NAV2: variants seen among roughly 807,000 people sequenced by gnomAD.
NAV2 encodes the protein neuron navigator 2, also known as helicase, APC down-regulated 1.
In NAV2, 54 loss-of-function variants were observed where a neutral mutation model predicts 223.2. The observed-to-expected ratio is 0.24, with a 90% CI of 0.19 to 0.30. The LOEUF is 0.30. Among genes scored for constraint, NAV2 ranks in the 10% least tolerant of loss-of-function variants. NAV2 has a pLI of 1.00. For synonymous variants in NAV2, 1,279 were observed against 1,239.3 expected (o/e 1.03, Z -0.67); for missense variants, 2,806 against 3,147.5 (o/e 0.89, Z 2.60).
chr11:19,491,115 A>G (rs2042611592), intron 1 of NAV2, among the ~76,000 whole-genome samples: 1 of 152,124 alleles, frequency 6.6e-6, no homozygotes, highest in Non-Finnish European at 1.5e-5. Flanking sequence ...AGGCTTTGTC[A>G]TTCCATTTAC....
intron 1 of NAV2, among the ~76,000 whole-genome samples, chr11:19,625,614 T>A (rs977275228): frequency 3.3e-5 from 5 of 152,206 alleles, no homozygotes; most frequent in South Asian, 2.1e-4. Context: ...TTGTAGTTTT[T>A]TGAGGAACTT....
intron 3 of NAV2, among the ~76,000 whole-genome samples, chr11:19,853,440 A>G (rs746347363): frequency 5.3e-5 from 8 of 152,234 alleles, no homozygotes; most frequent in Non-Finnish European, 8.8e-5. Context: ...CCTGCAGCCC[A>G]GGATGGCTTT....
intron 1 of NAV2, among the ~76,000 whole-genome samples, chr11:19,762,758 C>T (rs1029663656): frequency 4.6e-5 from 7 of 151,952 alleles, no homozygotes; most frequent in South Asian, 2.1e-4. Flanking sequence ...GGATTACAGG[C>T]GCACACCAAC....
intron 1 of NAV2, among the ~76,000 whole-genome samples, chr11:19,700,793 G>A (rs1478070815): frequency 2.0e-5 from 3 of 152,218 alleles, no homozygotes; most frequent in African/African-American, 7.2e-5. Context: ...TACATTCACT[G>A]ATGTGGTTAT....
At chr11:19,396,047 T>A (rs931070574) in intron 1 of NAV2, among the ~76,000 whole-genome samples, 2 of 152,192 alleles carry the variant, frequency 1.3e-5, no homozygotes, top group Non-Finnish European at 2.9e-5. Context: ...CCTGGGATTT[T>A]GTGAGCATTC....
At chr11:20,015,252 A>T (rs1364680578) in intron 11 of NAV2, among the ~76,000 whole-genome samples, 1 of 152,208 alleles carries the variant, frequency 6.6e-6, no homozygotes, top group Non-Finnish European at 1.5e-5. Context: ...CGTGTCGAGC[A>T]TTGCCATCTG....
chr11:19,625,425 A>G (rs2047139387), intron 1 of NAV2, among the ~76,000 whole-genome samples: 1 of 152,188 alleles, frequency 6.6e-6, no homozygotes, highest in African/African-American at 2.4e-5. Context: ...CATGTTGTAT[A>G]TATACCACAT....
At chr11:19,559,571 AT>A (rs1221723225) in intron 1 of NAV2, among the ~76,000 whole-genome samples, 1 of 152,164 alleles carries the variant, frequency 6.6e-6, no homozygotes, top group African/African-American at 2.4e-5. Flanking sequence ...TGCTGGTAGA[AT>A]CTGTATTCAT....
intron 1 of NAV2, among the ~76,000 whole-genome samples, chr11:19,823,550 A>G (rs191833082): frequency 6.6e-6 from 1 of 152,248 alleles, no homozygotes; most frequent in East Asian, 1.9e-4. Context: ...CATGTTGCCT[A>G]GGTTGGTCTT....
chr11:19,614,621 G>C (rs990292386), intron 1 of NAV2, among the ~76,000 whole-genome samples: 1 of 152,018 alleles, frequency 6.6e-6, no homozygotes, highest in Non-Finnish European at 1.5e-5. Context: ...TTCACATTAG[G>C]GATCACTCTT....
intron 1 of NAV2, among the ~76,000 whole-genome samples, chr11:19,670,392 G>A (rs1185943828): frequency 5.3e-5 from 8 of 152,182 alleles, no homozygotes; most frequent in African/African-American, 1.9e-4. Flanking sequence ...CTGCATCTCC[G>A]GGGACTCCCG....
chr11:20,018,481 A>G (rs2054206222), intron 11 of NAV2, among the ~76,000 whole-genome samples: 2 of 151,890 alleles, frequency 1.3e-5, no homozygotes, highest in Non-Finnish European at 2.9e-5. Context: ...TGTGTAAAAT[A>G]TTGTTTGTGT....
chr11:19,689,315 C>T (rs1038170468), intron 1 of NAV2, among the ~76,000 whole-genome samples: 2 of 152,206 alleles, frequency 1.3e-5, no homozygotes, highest in Admixed American at 6.5e-5. Context: ...AATTTGCCAG[C>T]TCCAAGGGAT....
intron 1 of NAV2, among the ~76,000 whole-genome samples, chr11:19,377,972 A>T (rs977895235): frequency 6.6e-6 from 1 of 152,032 alleles, no homozygotes; most frequent in East Asian, 1.9e-4. Flanking sequence ...CAGCCTTTTG[A>T]ATAGATTAAG....
intron 1 of NAV2, among the ~76,000 whole-genome samples, chr11:19,809,864 A>T (rs533418463): frequency 6.6e-6 from 1 of 152,226 alleles, no homozygotes; most frequent in African/African-American, 2.4e-5. Flanking sequence ...GAGGAAGAAC[A>T]CAGAGGTAAA....
intron 3 of NAV2, among the ~76,000 whole-genome samples, chr11:19,862,188 G>T (rs893705484): frequency 2.6e-5 from 4 of 152,216 alleles, no homozygotes; most frequent in Non-Finnish European, 5.9e-5. Flanking sequence ...TTGCTGTAAA[G>T]CAGAGAAACT....
At chr11:19,483,393 T>A (rs1167714580) in intron 1 of NAV2, among the ~76,000 whole-genome samples, 1 of 152,204 alleles carries the variant, frequency 6.6e-6, no homozygotes, top group Non-Finnish European at 1.5e-5. Context: ...ACGTTAACTG[T>A]CATGGTATTG....
intron 1 of NAV2, among the ~76,000 whole-genome samples, chr11:19,626,597 G>C (rs972062464): frequency 4.6e-5 from 7 of 152,114 alleles, no homozygotes; most frequent in Non-Finnish European, 7.4e-5. Context: ...GGATTGCATT[G>C]AATCTGTAGA....
chr11:19,548,952 T>TTCAAAGCTATTAAGTA (rs2044600443), intron 1 of NAV2, among the ~76,000 whole-genome samples: 1 of 149,188 alleles, frequency 6.7e-6, no homozygotes. Context: ...TAAGTAGAGG[T>TTCAAAGCTATTAAGTA]GATGGATTCT....
Sources: allele counts gnomAD v4.1 joint callset (sites outside exome capture counted in the v4.1 genomes callset), GRCh38; gene constraint gnomAD v4.1.1; transcripts MANE v1.5; gene names NCBI Gene and HGNC (gene_info 2026-07-23, HGNC 2026-07-21).